The following MBOAT2 variants were observed in gnomAD, a reference collection of about 807,000 sequenced individuals.
MBOAT2 encodes the protein membrane bound glycerophospholipid O-acyltransferase 2, also known as membrane-bound glycerophospholipid O-acyltransferase 2.
A neutral mutation model predicts 63.4 loss-of-function variants in MBOAT2; 28 were observed. The observed-to-expected ratio is 0.44, with a 90% CI of 0.33 to 0.61. The LOEUF (loss-of-function observed/expected upper bound fraction) is 0.61. Among genes scored for constraint, MBOAT2 ranks in the 20% least tolerant of loss-of-function variants. The pLI is 0.03. For synonymous variants in MBOAT2, 211 were observed against 215.6 expected, an observed-to-expected ratio of 0.98 and a Z score of 0.19; for missense variants, 470 against 605.8, an observed-to-expected ratio of 0.78 and a Z score of 2.35.
intron 4 of MBOAT2, among the ~76,000 whole-genome samples, chr2:8,895,687 T>C (rs565706933): frequency 1.3e-5 from 2 of 152,286 alleles, no homozygotes; most frequent in East Asian, 3.9e-4. Flanking sequence ...CGATGACCGC[T>C]CTAGCTACTT....
rs150498351 is a variant in MBOAT2 at position 8,906,229 on chromosome 2, A to G, written c.395+2392T>C. On this transcript the variant is annotated intron_variant, in intron 4 of 12. Transcript: ENST00000305997. ...CTCCCAAAGTGCTGGGATTACAGGC[A>G]TGAGCCACCACACCCAGCCTTTTAA... Among the ~76,000 whole-genome samples, 640 of 152,346 alleles carry G rather than the reference A, an allele frequency of 4.2e-3. 1 individual carries two copies. Among genetic ancestry groups the G allele is most frequent in the South Asian group, 0.016 (77 of 4,828 alleles).
intron 1 of MBOAT2, among the ~76,000 whole-genome samples, chr2:8,970,023 T>C (rs916680640): frequency 6.6e-6 from 1 of 152,162 alleles, no homozygotes; most frequent in Non-Finnish European, 1.5e-5. Flanking sequence ...GTGGACCTAA[T>C]AGACATCTAA....
Position 8,860,657 on chromosome 2 carries a change from C to A in MBOAT2, c.1293G>T (p.Val431=). 5.6e-6 allele frequency: 9 copies of A among 1,613,280 alleles called. No homozygotes were observed. The highest frequency in any genetic ancestry group is 7.6e-6 in the Non-Finnish European group (9 of 1,179,704). Residue 431 remains valine (V), a synonymous_variant, in exon 12 of 13, where the codon GTG becomes GTT. Transcript: ENST00000305997. ...GTTTTATAGAAAGAAGCACAAATGG[C>A]ACAACTGTGTAACTTATTGCTACTT... ...VTQVAISYTV[V]PFVLLSIKPS... is the part of the protein sequence containing the mutation.
chr2:8,912,919 A>T (rs1665897383), intron 3 of MBOAT2, among the ~76,000 whole-genome samples: 1 of 152,240 alleles, frequency 6.6e-6, no homozygotes, highest in Non-Finnish European at 1.5e-5. Context: ...ATCTGAAAGC[A>T]TCACACTACC....
intron 1 of MBOAT2, among the ~76,000 whole-genome samples, chr2:8,983,286 A>G (rs1247264816): frequency 3.9e-5 from 6 of 152,238 alleles, no homozygotes; most frequent in African/African-American, 1.4e-4. Flanking sequence ...CACACAGATT[A>G]GCTAAAATGG....
chr2:8,857,086 C>T lies in MBOAT2; in HGVS notation c.*1593G>A, dbSNP rs573406325. 1 of 152,634 alleles carries T rather than the reference C, an allele frequency of 6.6e-6. No homozygotes were observed. The highest frequency in any genetic ancestry group is 2.4e-5 in the African/African-American group (1 of 41,504). 9.5% of individuals were successfully genotyped at this position (152,634 alleles called of 1,614,324 possible). A position where few individuals can be genotyped will look rare whatever the true frequency, so the allele number is the denominator to read the frequency against. ...TAAATGAAGTATTATATAGCATAAG[C>T]CAGATGGTTGCCTTGTCTTTAACTT... On this transcript the variant is annotated 3_prime_UTR_variant, in exon 13 of 13. Transcript: ENST00000305997.
intron 1 of MBOAT2, among the ~76,000 whole-genome samples, chr2:8,986,548 G>C (rs1468338133): frequency 2.0e-5 from 3 of 151,682 alleles, no homozygotes; most frequent in African/African-American, 7.3e-5. Flanking sequence ...GGGGGAGACA[G>C]GGCGAGATTC....
At chr2:8,960,958 G>T (rs1669564072) in intron 1 of MBOAT2, among the ~76,000 whole-genome samples, 1 of 152,226 alleles carries the variant, frequency 6.6e-6, no homozygotes, top group Non-Finnish European at 1.5e-5. Context: ...CGTGGCCAGG[G>T]ATCATGGGAG....
At chr2:8,904,706 TC>T (rs1665207002) in intron 4 of MBOAT2, among the ~76,000 whole-genome samples, 1 of 152,254 alleles carries the variant, frequency 6.6e-6, no homozygotes, top group Non-Finnish European at 1.5e-5. Flanking sequence ...CTGCACAGGT[TC>T]TGTACATTTC....
intron 1 of MBOAT2, among the ~76,000 whole-genome samples, chr2:8,965,585 C>G (rs1473046507): frequency 6.6e-6 from 1 of 152,124 alleles, no homozygotes; most frequent in Non-Finnish European, 1.5e-5. Context: ...TCTGTCTCCA[C>G]AAAAGATTGT....
rs561811444 is a variant in MBOAT2, at chr2:8,862,578, C to A, written c.1185+12G>T. On this transcript the variant is annotated intron_variant, in intron 11 of 12. Coordinates refer to ENST00000305997, the MANE Select transcript of MBOAT2 (RefSeq NM_138799.4). This position sits in a 1 kb window ranked among gnomAD's most constrained non-coding sequence, Gnocchi z 4.3. ...GACCATTGAATTGTAAAATAAAATTCTTGATACTTACAGCTCTTGCTGCTA... is the reference window on the plus strand; with the variant it reads ...GACCATTGAATTGTAAAATAAAATTATTGATACTTACAGCTCTTGCTGCTA... The A allele has an allele frequency of 1.9e-6, 3 of 1,602,244 alleles. No individual in the cohort carries two copies. In the South Asian group the frequency reaches 3.4e-5, roughly 18 times the overall value.
intron 6 of MBOAT2, among the ~76,000 whole-genome samples, chr2:8,880,328 G>A (rs1179981934): frequency 1.3e-5 from 2 of 152,172 alleles, no homozygotes; most frequent in Non-Finnish European, 2.9e-5. Context: ...TGGATTTGCT[G>A]TAAGAAAATG....
At chr2:8,991,844 C>G (rs1036969720) in intron 1 of MBOAT2, among the ~76,000 whole-genome samples, 1 of 152,180 alleles carries the variant, frequency 6.6e-6, no homozygotes, top group Non-Finnish European at 1.5e-5. Flanking sequence ...CAGCACCAAG[C>G]GAACATTCCT....
chr2:8,992,032 C>T (rs979117635), intron 1 of MBOAT2, among the ~76,000 whole-genome samples: 8 of 152,194 alleles, frequency 5.3e-5, no homozygotes, highest in East Asian at 1.9e-4. Context: ...CTAGCTATTT[C>T]GCCTAACCTC....
intron 4 of MBOAT2, among the ~76,000 whole-genome samples, chr2:8,895,108 G>T (rs190105865): frequency 6.6e-6 from 1 of 152,256 alleles, no homozygotes; most frequent in Admixed American, 6.5e-5. Flanking sequence ...TTATTGTGAA[G>T]AGCAAAAGAA....
At chr2:8,889,169 C>A (rs895729797) in intron 4 of MBOAT2, among the ~76,000 whole-genome samples, 5 of 152,154 alleles carry the variant, frequency 3.3e-5, no homozygotes, top group African/African-American at 1.2e-4. Flanking sequence ...AGGCTTAGAC[C>A]CCCGTGGGTC....
chr2:8,860,800 T>TA (rs1661440053), intron 11 of MBOAT2, 36 bp from the exon 12 acceptor site: 1 of 1,479,612 alleles, frequency 6.8e-7, no homozygotes, highest in African/African-American at 1.4e-5. Flanking sequence ...GCTGTATCTT[T>TA]AAATTAACAT....
At position 8,968,532 on chromosome 2, in the gene MBOAT2, T is replaced by C. The variant is rs951489546; in HGVS notation, c.76-9890A>G. On this transcript the variant is annotated intron_variant, in intron 1 of 12. Transcript: ENST00000305997. Reference sequence around the variant, plus strand: ...CAATGGAACAAAGCTGGATGGAGAATGACTTTGACGAGTTGAGAGAAGAAG... The same window carrying C: ...CAATGGAACAAAGCTGGATGGAGAACGACTTTGACGAGTTGAGAGAAGAAG... Among the ~76,000 whole-genome samples the C allele has an allele frequency of 2.8e-4, 43 of 152,244 alleles. 2 individuals carry two copies. The highest frequency in any genetic ancestry group is 2.9e-5 in the Non-Finnish European group (2 of 68,034).
At chr2:8,912,299 A>AAAAGAAAAG (rs1665770821) in intron 3 of MBOAT2, among the ~76,000 whole-genome samples, 1 of 46,844 alleles carries the variant, frequency 2.1e-5, no homozygotes, top group African/African-American at 8.0e-5. Context: ...GAAAAGAAAG[A>AAAAGAAAAG]AAAGAAAGAA....
Sources: allele counts gnomAD v4.1 joint callset (sites outside exome capture counted in the v4.1 genomes callset), GRCh38; gene constraint gnomAD v4.1.1; non-coding constraint Gnocchi (gnomAD v3.1); transcripts MANE v1.5; gene names NCBI Gene and HGNC (gene_info 2026-07-23, HGNC 2026-07-21).